The following PIEZO2 variants were observed in gnomAD, a reference collection of about 807,000 sequenced individuals.
PIEZO2 encodes piezo type mechanosensitive ion channel component 2.
Under a neutral mutation model 337.3 loss-of-function variants are expected in PIEZO2, and 172 were observed. That is an observed-to-expected ratio of 0.51 (90% confidence interval 0.45 to 0.58). The LOEUF (loss-of-function observed/expected upper bound fraction) is 0.58. Among genes scored for constraint, PIEZO2 ranks in the 20% least tolerant of loss-of-function variants. PIEZO2 has a pLI of 0.00. For synonymous variants in PIEZO2, 1,251 were observed against 1,228.5 expected, an observed-to-expected ratio of 1.02 and a Z score of -0.38; for missense variants, 3,028 against 3,391.3, an observed-to-expected ratio of 0.89 and a Z score of 2.66.
chr18:10,999,897 T>A (rs1360281168), intron 2 of PIEZO2, among the ~76,000 whole-genome samples: 1 of 152,216 alleles, frequency 6.6e-6, no homozygotes, highest in Admixed American at 6.5e-5. Context: ...GGGAAGAATG[T>A]GCTGGGACTT....
intron 2 of PIEZO2, among the ~76,000 whole-genome samples, chr18:11,057,252 C>T (rs975952973): frequency 6.6e-6 from 1 of 152,130 alleles, no homozygotes; most frequent in African/African-American, 2.4e-5. Context: ...TTCCTTTTGG[C>T]TTCCTAAATC....
At chr18:10,981,471 T>C (rs1334518957) in intron 2 of PIEZO2, among the ~76,000 whole-genome samples, 1 of 152,190 alleles carries the variant, frequency 6.6e-6, no homozygotes, top group Non-Finnish European at 1.5e-5. Flanking sequence ...AAAAGAGAAA[T>C]AGCATTTGAT....
chr18:11,012,929 A>G (rs1443376721), intron 2 of PIEZO2, among the ~76,000 whole-genome samples: 1 of 152,122 alleles, frequency 6.6e-6, no homozygotes, highest in African/African-American at 2.4e-5. Flanking sequence ...CTGTGGTCTC[A>G]GGTACTTTGG....
chr18:10,683,478 A>G (rs1396424584), intron 49 of PIEZO2, among the ~76,000 whole-genome samples: 1 of 152,206 alleles, frequency 6.6e-6, no homozygotes, highest in Non-Finnish European at 1.5e-5. Flanking sequence ...GTAGCAGTGC[A>G]TTTTGATATT....
At position 10,835,011 on chromosome 18, in the gene PIEZO2, G is replaced by A. The variant is rs563621746; in HGVS notation, c.917+20342C>T. Among the ~76,000 whole-genome samples, 90 of 152,270 alleles carry A rather than the reference G, an allele frequency of 5.9e-4. No homozygotes were observed. The Middle Eastern group carries it at 0.02, about 35-fold the overall frequency. On this transcript the variant is annotated intron_variant, in intron 7 of 55. Transcript: ENST00000674853. ...ACAAGGGAGAAGCCCTCATGAAAGGGATCTGTGCCCTTATGAAAGGGACCC... is the reference window on the plus strand; with the variant it reads ...ACAAGGGAGAAGCCCTCATGAAAGGAATCTGTGCCCTTATGAAAGGGACCC...
At chr18:10,768,576 T>A (rs2038463803) in intron 21 of PIEZO2, among the ~76,000 whole-genome samples, 1 of 152,184 alleles carries the variant, frequency 6.6e-6, no homozygotes, top group Non-Finnish European at 1.5e-5. Flanking sequence ...AGAGCAGGAT[T>A]TCTATGCTTC....
intron 1 of PIEZO2, among the ~76,000 whole-genome samples, chr18:11,134,840 C>A (rs2040436489): frequency 6.6e-6 from 1 of 151,968 alleles, no homozygotes; most frequent in Admixed American, 6.6e-5. Flanking sequence ...GGAATTACAT[C>A]ACAAAATTCA....
At chr18:10,734,552 CT>C (rs2036921649) in intron 35 of PIEZO2, among the ~76,000 whole-genome samples, 1 of 152,324 alleles carries the variant, frequency 6.6e-6, no homozygotes, top group Non-Finnish European at 1.5e-5. Context: ...GGAGAAAGGG[CT>C]TTCTATAAAA....
In PIEZO2 at chr18:10,697,731, T is replaced by A. The variant is rs758906804; in HGVS notation, c.6827+17A>T. 3.7e-6 allele frequency: 6 copies of A among 1,611,762 alleles called. No individual in the cohort carries two copies. In the Admixed American group the frequency reaches 1.0e-4, roughly 27 times the overall value. ...CCTACAATAAAGCACACATGCCATA[T>A]GTTCTCATGGACTCACTTCTTTATG... On this transcript the variant is annotated intron_variant, in intron 45 of 55. Coordinates refer to ENST00000674853, the MANE Select transcript of PIEZO2 (RefSeq NM_001378183.1).
At chr18:11,106,569 C>T (rs2146119555) in intron 1 of PIEZO2, among the ~76,000 whole-genome samples, 1 of 151,792 alleles carries the variant, frequency 6.6e-6, no homozygotes, top group East Asian at 1.9e-4. Context: ...ACCACCATAC[C>T]AGGATATTTT....
chr18:10,691,039 T>C (rs911225241), intron 48 of PIEZO2, among the ~76,000 whole-genome samples, 186 bp downstream of exon 48: 3 of 152,226 alleles, frequency 2.0e-5, no homozygotes, highest in African/African-American at 7.2e-5. Context: ...GACAGGCTTG[T>C]GGCAATTAAA....
chr18:10,748,721 T>C lies in PIEZO2; in HGVS notation c.4265-91A>G, dbSNP rs1470546032. On this transcript the variant is annotated intron_variant, in intron 29 of 55. Transcript: ENST00000674853. This position sits in a 1 kb window ranked among gnomAD's most constrained non-coding sequence, Gnocchi z 5.1. The stretch of plus-strand genomic sequence containing the variant: ...CTGAGGTATGGTCAGGCTTGGGAAA[T>C]ATAGGCATAAAAGCAGCATTCTGAT... 11 of 1,217,732 alleles carry C rather than the reference T, an allele frequency of 9.0e-6. No individual in the cohort carries two copies. The highest frequency in any genetic ancestry group is 2.3e-4 in the Middle Eastern group (1 of 4,362). The allele number at this position is 1,217,732 out of a possible 1,614,324, so 75.4% of individuals were successfully genotyped here.
At position 10,945,825 on chromosome 18, in the gene PIEZO2, A is replaced by T. The variant is rs2032991350; in HGVS notation, c.286+33710T>A. On this transcript the variant is annotated intron_variant, in intron 3 of 55. Transcript: ENST00000674853. The surrounding 1 kb of genome is among the most constrained non-coding windows in gnomAD (Gnocchi z 4.0). ...AAGTAGATATAGAGAAGACATCAAA[A>T]GAAAAAATTGGACTTCTTGAGATAA... Among the ~76,000 whole-genome samples the T allele has an allele frequency of 6.6e-6, 1 of 152,224 alleles. No individual in the cohort carries two copies. Among genetic ancestry groups the T allele is most frequent in the South Asian group, 2.1e-4 (1 of 4,828 alleles).
rs557561824 is a variant in PIEZO2 at position 10,783,011 on chromosome 18, T to C, written c.2492+1773A>G. 1.3e-5 allele frequency among the ~76,000 whole-genome samples: 2 copies of C among 152,172 alleles called. No individual in the cohort carries two copies. The highest frequency in any genetic ancestry group is 2.1e-4 in the South Asian group (1 of 4,822). On this transcript the variant is annotated intron_variant, in intron 17 of 55. Coordinates refer to ENST00000674853, the MANE Select transcript of PIEZO2 (RefSeq NM_001378183.1). This position sits in a 1 kb window ranked among gnomAD's most constrained non-coding sequence, Gnocchi z 4.3. ...AATGGTGAATTATATCTCTGTTTGATTGCGTGACAGAAGACTCAGACACAT... is the reference window on the plus strand; with the variant it reads ...AATGGTGAATTATATCTCTGTTTGACTGCGTGACAGAAGACTCAGACACAT...
chr18:10,752,326 C>A (rs2037679866), intron 28 of PIEZO2, among the ~76,000 whole-genome samples: 1 of 152,158 alleles, frequency 6.6e-6, no homozygotes, highest in African/African-American at 2.4e-5. Context: ...TAACTCATAC[C>A]AGGAGTGATG....
intron 39 of PIEZO2, among the ~76,000 whole-genome samples, chr18:10,711,615 C>CA (rs150306811): frequency 0.54 from 81,798 of 150,940 alleles, 22,268 homozygotes; most frequent in Non-Finnish European, 0.58. Context: ...ATTCAGGTAA[C>CA]AAAAAAAAAT....
intron 2 of PIEZO2, among the ~76,000 whole-genome samples, chr18:11,049,327 C>T (rs2584731): frequency 0.67 from 102,036 of 152,136 alleles, 34,807 homozygotes; most frequent in African/African-American, 0.79. Context: ...GAATAGATGG[C>T]AGAGCCAGAT....
chr18:10,939,470 G>A (rs12960201), intron 3 of PIEZO2, among the ~76,000 whole-genome samples: 66,470 of 152,002 alleles, frequency 0.44, 14,948 homozygotes, highest in Non-Finnish European at 0.5. Flanking sequence ...ATGCATACCT[G>A]TGTGTATTGC....
chr18:10,922,439 G>A (rs1280629244), intron 3 of PIEZO2, among the ~76,000 whole-genome samples: 1 of 152,104 alleles, frequency 6.6e-6, no homozygotes, highest in Non-Finnish European at 1.5e-5. Context: ...GATGAGGTGA[G>A]GCCAAAGGAC....
Sources: gnomAD v4.1 joint callset for allele counts (sites outside exome capture counted in the v4.1 genomes callset) on GRCh38, gnomAD v4.1.1 for gene constraint, Gnocchi (gnomAD v3.1) non-coding constraint, MANE v1.5 for transcripts, NCBI Gene and HGNC (gene_info 2026-07-23, HGNC 2026-07-21) for gene names.